The following IGFL3 variants were observed in gnomAD, a reference collection of about 807,000 sequenced individuals.
The protein encoded by IGFL3 is insulin growth factor-like family member 3.
Under a neutral mutation model 17.0 loss-of-function variants are expected in IGFL3, and 12 were observed. That is an observed-to-expected ratio of 0.71 (90% CI 0.45 to 1.14). The LOEUF is 1.14. IGFL3 is among the 50% of genes most tolerant of loss of function. IGFL3 has a pLI of 0.00. For missense variants in IGFL3, 153 were observed against 151.6 expected (o/e 1.01, Z -0.05); for synonymous variants, 52 against 57.4 (o/e 0.91, Z 0.42).
intron 2 of IGFL3, 31 bp downstream of exon 2, chr19:46,124,237 C>A: frequency 6.2e-7 from 1 of 1,609,206 alleles, no homozygotes. Flanking sequence ...ACCACCTCTT[C>A]CCTCCTCATT....
chr19:46,121,418 AAAG>A (rs1306766307), intron 3 of IGFL3, among the ~76,000 whole-genome samples: 1 of 149,508 alleles, frequency 6.7e-6, no homozygotes, highest in Non-Finnish European at 1.5e-5. Flanking sequence ...AAGAAGAAGA[AAAG>A]AAAATTTCTA....
chr19:46,120,414 T>G, intron 3 of IGFL3, 57 bp from the exon 4 acceptor site: 1 of 1,606,134 alleles, frequency 6.2e-7, no homozygotes, highest in Non-Finnish European at 8.5e-7. Flanking sequence ...AGGAAAAAAT[T>G]ATCCCCTACA....
In IGFL3 at chr19:46,123,002, G is replaced by C. The variant is rs114993573; in HGVS notation, c.350+884C>G. Among the ~76,000 whole-genome samples, 1,235 of 150,948 alleles carry C rather than the reference G, an allele frequency of 8.2e-3. 83 individuals are homozygous for C. The highest frequency in any genetic ancestry group is 0.028 in the African/African-American group (1,152 of 40,720). On this transcript the variant is annotated intron_variant, in intron 3 of 3. Coordinates refer to ENST00000341415, the MANE Select transcript of IGFL3 (RefSeq NM_207393.2). ...AATGACATTTGAAAATAATGTAAAT[G>C]CTATGACATGATTTTCCCAAGCATG... is the stretch of plus-strand genomic sequence containing the variant.
At position 46,124,657 on chromosome 19, in the gene IGFL3, A is replaced by G. The variant is rs755652766; in HGVS notation, c.-8T>C. ...GCAGCATCGTGGCCTCATGCTTCCA[A>G]AGATGCTCTAGGAGAATTGAAGAAG... On this transcript the variant is annotated 5_prime_UTR_variant, in exon 1 of 4. Transcript: ENST00000341415. 1.1e-5 allele frequency: 18 copies of G among 1,607,802 alleles called. 1 individual carries two copies. The East Asian group carries it at 2.3e-4, about 20-fold the overall frequency.
rs976007011 is a variant in IGFL3 at position 46,123,768 on chromosome 19, G to A, written c.350+118C>T. 1.5e-4 allele frequency: 173 copies of A among 1,177,646 alleles called. 8 individuals are homozygous for A. The highest frequency in any genetic ancestry group is 1.2e-3 in the African/African-American group (76 of 63,126). The allele number at this position is 1,177,646 out of a possible 1,614,324, so 72.9% of individuals were successfully genotyped here. A position where few individuals can be genotyped will look rare whatever the true frequency, so the allele number is the denominator to read the frequency against. On this transcript the variant is annotated intron_variant, in intron 3 of 3. Transcript: ENST00000341415. ...CTTCTTCTTTTTGCTTTCCCCTGCT[G>A]CCACCAGCCTGACTCTTTTGCCGTT...
intron 3 of IGFL3, among the ~76,000 whole-genome samples, chr19:46,121,681 A>T (rs1377539110): frequency 1.3e-5 from 2 of 151,018 alleles, no homozygotes; most frequent in African/African-American, 2.5e-5. Context: ...TCACCAAGAC[A>T]GTTGTAAAGA....
intron 3 of IGFL3, among the ~76,000 whole-genome samples, chr19:46,121,981 G>A (rs1345926514): frequency 6.6e-6 from 1 of 151,016 alleles, no homozygotes; most frequent in South Asian, 2.1e-4. Flanking sequence ...ACACAACATA[G>A]TATTTCAATG....
Position 46,124,013 on chromosome 19 carries a change from A to T in IGFL3, c.223T>A (p.Phe75Ile). 6.2e-7 allele frequency: 1 copy of T among 1,611,574 alleles called. No individual in the cohort carries two copies. Among genetic ancestry groups the T allele is most frequent in the Non-Finnish European group, 8.5e-7 (1 of 1,179,680 alleles). ...ETRRCGSTCTFWPCFELCCPE... is the reference protein window; with the variant it reads ...ETRRCGSTCTIWPCFELCCPE... ...CAGCAGAGCTCAAAGCAGGGCCAGA[A>T]GGTGCAGGTGGAGCCACAGCGGCGG... is the stretch of plus-strand genomic sequence containing the variant. The change falls in exon 3 of 4, where the codon TTC (phenylalanine) becomes ATC (isoleucine). Residue 75 changes from phenylalanine to isoleucine, a missense_variant. Physicochemically the swap from Phe to Ile is conservative, Grantham distance 21. Transcript: ENST00000341415.
Position 46,120,154 on chromosome 19 carries a change from G to A in IGFL3, c.*176C>T. On this transcript the variant is annotated 3_prime_UTR_variant, in exon 4 of 4. Transcript: ENST00000341415. ...GCTGGAAAGGGGATGAAGCAGGAAGGCATTCTTCCCCTGAAGTCTGGCCAT... is the reference window on the plus strand; with the variant it reads ...GCTGGAAAGGGGATGAAGCAGGAAGACATTCTTCCCCTGAAGTCTGGCCAT... 1 of 788,508 alleles carries A rather than the reference G, an allele frequency of 1.3e-6. No homozygotes were observed. Among genetic ancestry groups the A allele is most frequent in the South Asian group, 2.0e-5 (1 of 48,992 alleles). The allele number at this position is 788,508 out of a possible 1,614,324, so 48.8% of individuals were successfully genotyped here.
At position 46,121,566 on chromosome 19, in the gene IGFL3, A is replaced by G. The variant is rs1441363320; in HGVS notation, c.351-1209T>C. On this transcript the variant is annotated intron_variant, in intron 3 of 3. Coordinates refer to ENST00000341415, the MANE Select transcript of IGFL3 (RefSeq NM_207393.2). ...AAGAAAAATTGAGGAATTATGAGAC[A>G]AAGACAAGAAGAGAGGAAAGATGTC... Among the ~76,000 whole-genome samples the G allele has an allele frequency of 4.0e-5, 6 of 150,422 alleles. 1 individual carries two copies. The highest frequency in any genetic ancestry group is 2.7e-4 in the Admixed American group (4 of 15,064).
chr19:46,124,474 T>C, intron 1 of IGFL3, 151 bp downstream of exon 1: 1 of 1,143,338 alleles, frequency 8.7e-7, no homozygotes, highest in Non-Finnish European at 1.3e-6. Flanking sequence ...AGGCAGGCCC[T>C]GAGCAGCACG....
chr19:46,124,216 CTT>C, intron 2 of IGFL3, 50 bp downstream of exon 2: 2 of 1,609,224 alleles, frequency 1.2e-6, no homozygotes, highest in Non-Finnish European at 1.7e-6. Context: ...TTCCCAGTCT[CTT>C]TTCCCAACAC....
chr19:46,122,725 T>C (rs1421622186), intron 3 of IGFL3, among the ~76,000 whole-genome samples: 1 of 150,888 alleles, frequency 6.6e-6, no homozygotes, highest in Non-Finnish European at 1.5e-5. Flanking sequence ...ACTGCAATGG[T>C]TTACATACAT....
At position 46,120,315 on chromosome 19, in the gene IGFL3, T is replaced by A. The variant is rs1423183325; in HGVS notation, c.*15A>T. The A allele has an allele frequency of 2.5e-6, 4 of 1,610,788 alleles. No homozygotes were observed. Among genetic ancestry groups the A allele is most frequent in the Non-Finnish European group, 3.4e-6 (4 of 1,179,496 alleles). On this transcript the variant is annotated 3_prime_UTR_variant, in exon 4 of 4. Coordinates refer to ENST00000341415, the MANE Select transcript of IGFL3 (RefSeq NM_207393.2). ...TCTCCCCTTGTCTGCCGTCTGCCAG[T>A]GGAGCCTGGGGTTTTTATGGGTACA...
intron 3 of IGFL3, among the ~76,000 whole-genome samples, chr19:46,121,707 G>GA (rs1971783689): frequency 6.6e-6 from 1 of 150,856 alleles, no homozygotes; most frequent in African/African-American, 2.5e-5. Flanking sequence ...AGATTTTTTA[G>GA]AAAATGTAGG....
chr19:46,121,633 C>A (rs1254778659), intron 3 of IGFL3, among the ~76,000 whole-genome samples: 1 of 150,634 alleles, frequency 6.6e-6, no homozygotes, highest in Non-Finnish European at 1.5e-5. Context: ...CACGTGACGA[C>A]TATCTGAGGT....
At position 46,124,027 on chromosome 19, in the gene IGFL3, C is replaced by G; in HGVS notation, c.209G>C (p.Gly70Ala). ...ILSLKETRRC[G>A]STCTFWPCFE... is the part of the protein sequence containing the mutation. ...GCAGGGCCAGAAGGTGCAGGTGGAG[C>G]CACAGCGGCGGGTCTCCTTTAAGGA... Residue 70 changes from glycine to alanine, a missense_variant, in exon 3 of 4, where the codon GGC becomes GCC. Physicochemically the swap from Gly to Ala is moderately conservative, Grantham distance 60. Coordinates refer to ENST00000341415, the MANE Select transcript of IGFL3 (RefSeq NM_207393.2). 3 of 1,611,450 alleles carry G rather than the reference C, an allele frequency of 1.9e-6. No homozygotes were observed. The highest frequency in any genetic ancestry group is 1.7e-6 in the Non-Finnish European group (2 of 1,179,658).
At chr19:46,124,462 T>C in intron 1 of IGFL3, 141 bp from the exon 2 acceptor site, 1 of 1,153,336 alleles carries the variant, frequency 8.7e-7, no homozygotes, top group South Asian at 1.3e-5. Context: ...GGGATCCCGT[T>C]CAGGCAGGCC....
Position 46,120,497 on chromosome 19 carries a change from C to G in IGFL3, c.351-140G>C. Reference sequence around the variant, plus strand: ...AGATGTGTAGATATCAACAGAAGGACACAGTCACCATGAAAAAGCAGGAAG... The same window carrying G: ...AGATGTGTAGATATCAACAGAAGGAGACAGTCACCATGAAAAAGCAGGAAG... On this transcript the variant is annotated intron_variant, in intron 3 of 3. Coordinates refer to ENST00000341415, the MANE Select transcript of IGFL3 (RefSeq NM_207393.2). 2 of 1,244,588 alleles carry G rather than the reference C, an allele frequency of 1.6e-6. 1 individual carries two copies. 77.1% of individuals were successfully genotyped at this position (1,244,588 alleles called of 1,614,324 possible).
Sources: allele counts gnomAD v4.1 joint callset (sites outside exome capture counted in the v4.1 genomes callset), GRCh38; gene constraint gnomAD v4.1.1; transcripts MANE v1.5; gene names NCBI Gene and HGNC (gene_info 2026-07-23, HGNC 2026-07-21).